ITGA8: variants seen among roughly 807,000 people sequenced by gnomAD.
ITGA8 encodes the protein integrin subunit alpha 8.
ITGA8 carries 91 observed loss-of-function variants against 142.3 expected under a neutral mutation model. The observed-to-expected ratio is 0.64, with a 90% CI of 0.54 to 0.76. The LOEUF (loss-of-function observed/expected upper bound fraction) is 0.76. ITGA8 is among the 30% of genes least tolerant of loss of function. The pLI is 0.00. For synonymous variants in ITGA8, 505 were observed against 485.2 expected, an observed-to-expected ratio of 1.04 and a Z score of -0.54; for missense variants, 1,406 against 1,327.7, an observed-to-expected ratio of 1.06 and a Z score of -0.92.
chr10:15,713,347 C>T (rs1220990112), intron 2 of ITGA8, among the ~76,000 whole-genome samples: 2 of 152,140 alleles, frequency 1.3e-5, no homozygotes, highest in East Asian at 3.9e-4. Context: ...CACACTGCTT[C>T]TTTTTTTCTG....
At chr10:15,605,332 G>C (rs1833174898) in intron 19 of ITGA8, among the ~76,000 whole-genome samples, 1 of 152,122 alleles carries the variant, frequency 6.6e-6, no homozygotes. Flanking sequence ...ACAGTTTTAA[G>C]GATGGCTTTG....
intron 14 of ITGA8, among the ~76,000 whole-genome samples, chr10:15,615,949 C>G (rs985962945): frequency 2.6e-5 from 4 of 152,210 alleles, no homozygotes; most frequent in African/African-American, 9.6e-5. Flanking sequence ...TTTTATCCTT[C>G]TTTTACAGAT....
intron 24 of ITGA8, among the ~76,000 whole-genome samples, chr10:15,574,795 T>TG (rs1379380389): frequency 6.6e-6 from 1 of 151,926 alleles, no homozygotes; most frequent in African/African-American, 2.4e-5. Flanking sequence ...GTTTAAAAGA[T>TG]GAGTGGGTAA....
chr10:15,572,622 A>G (rs965734655), intron 24 of ITGA8, among the ~76,000 whole-genome samples: 1 of 152,218 alleles, frequency 6.6e-6, no homozygotes, highest in Non-Finnish European at 1.5e-5. Flanking sequence ...TGAAGACCAT[A>G]CTACCCTTGT....
At chr10:15,601,108 G>A (rs1348988697) in intron 20 of ITGA8, among the ~76,000 whole-genome samples, 2 of 151,976 alleles carry the variant, frequency 1.3e-5, no homozygotes, top group African/African-American at 2.4e-5. Flanking sequence ...GCGTGGTGGT[G>A]GGCGCCTGTA....
chr10:15,529,877 C>G lies in ITGA8; in HGVS notation c.2982+1173G>C, dbSNP rs1405009450. On this transcript the variant is annotated intron_variant, in intron 28 of 29. Coordinates refer to ENST00000378076, the MANE Select transcript of ITGA8 (RefSeq NM_003638.3). ...TTTTGATAAAATGCAGAGCCTGGCT[C>G]AGCAGATCTGGAGAGGTCTGTTTCT... is the stretch of plus-strand genomic sequence containing the variant. 2.0e-5 allele frequency among the ~76,000 whole-genome samples: 3 copies of G among 152,318 alleles called. No individual in the cohort carries two copies. In the South Asian group the frequency reaches 6.2e-4, roughly 32 times the overall value.
intron 28 of ITGA8, among the ~76,000 whole-genome samples, chr10:15,526,051 A>G (rs1833168251): frequency 6.6e-6 from 1 of 152,252 alleles, no homozygotes; most frequent in Non-Finnish European, 1.5e-5. Flanking sequence ...AAAATGAAAT[A>G]AAACCACAAG....
Position 15,631,232 on chromosome 10 carries a change from T to A in ITGA8, c.1399+12798A>T, listed in dbSNP as rs1295612494. On this transcript the variant is annotated intron_variant, in intron 13 of 29. Transcript: ENST00000378076. ...TTTTACTGGGTACATACCCAAAGGA[T>A]TATAAATCATTCTACTATAAAGACA... is the stretch of plus-strand genomic sequence containing the variant. 1.3e-5 allele frequency among the ~76,000 whole-genome samples: 2 copies of A among 151,922 alleles called. 1 individual carries two copies. The highest frequency in any genetic ancestry group is 4.9e-5 in the African/African-American group (2 of 41,224).
chr10:15,526,859 A>G (rs376540320), intron 28 of ITGA8, among the ~76,000 whole-genome samples: 1 of 152,312 alleles, frequency 6.6e-6, no homozygotes, highest in East Asian at 1.9e-4. Flanking sequence ...TCATCATGTC[A>G]TAAATCTTGT....
rs189407839 is a variant in ITGA8 at position 15,608,130 on chromosome 10, T to C, written c.1609+105A>G. Reference sequence around the variant, plus strand: ...TCCATATATGCAACAGATATCTTGGTATTCCTCAAGGGTTCTTTCATTTTT... The same window carrying C: ...TCCATATATGCAACAGATATCTTGGCATTCCTCAAGGGTTCTTTCATTTTT... On this transcript the variant is annotated intron_variant, in intron 16 of 29. Coordinates refer to ENST00000378076, the MANE Select transcript of ITGA8 (RefSeq NM_003638.3). 95 of 797,456 alleles carry C rather than the reference T, an allele frequency of 1.2e-4. No homozygotes were observed. In the African/African-American group the frequency reaches 1.4e-3, roughly 12 times the overall value. 49.4% of individuals were successfully genotyped at this position (797,456 alleles called of 1,614,324 possible).
chr10:15,653,067 T>A (rs1834117883), intron 11 of ITGA8, among the ~76,000 whole-genome samples: 1 of 152,232 alleles, frequency 6.6e-6, no homozygotes, highest in Non-Finnish European at 1.5e-5. Flanking sequence ...ACCTTCATGA[T>A]GCAGCTCCCC....
chr10:15,623,830 A>G (rs1403534924), intron 13 of ITGA8, among the ~76,000 whole-genome samples: 2 of 152,214 alleles, frequency 1.3e-5, no homozygotes, highest in Non-Finnish European at 2.9e-5. Flanking sequence ...GAACAGTCCC[A>G]TCATGCCCAA....
chr10:15,553,004 C>T (rs1001990043), intron 26 of ITGA8, among the ~76,000 whole-genome samples: 2 of 152,104 alleles, frequency 1.3e-5, no homozygotes, highest in Non-Finnish European at 2.9e-5. Flanking sequence ...CACCTATAAC[C>T]CCAGCACTTT....
At chr10:15,540,912 G>A (rs573937676) in intron 27 of ITGA8, among the ~76,000 whole-genome samples, 2 of 152,188 alleles carry the variant, frequency 1.3e-5, no homozygotes, top group African/African-American at 2.4e-5. Context: ...CACCATGACA[G>A]TTTACAAATG....
chr10:15,697,521 C>A (rs1835079492), intron 2 of ITGA8, among the ~76,000 whole-genome samples: 1 of 152,150 alleles, frequency 6.6e-6, no homozygotes, highest in South Asian at 2.1e-4. Flanking sequence ...GGGCTGTGGT[C>A]TACAGTGCTT....
intron 13 of ITGA8, among the ~76,000 whole-genome samples, chr10:15,635,927 A>G (rs1027261991): frequency 1.3e-5 from 2 of 150,882 alleles, no homozygotes; most frequent in African/African-American, 4.9e-5. Context: ...CTACACACAC[A>G]CACACACACA....
At chr10:15,536,874 A>G (rs181252479) in intron 27 of ITGA8, among the ~76,000 whole-genome samples, 5 of 152,358 alleles carry the variant, frequency 3.3e-5, no homozygotes, top group African/African-American at 1.2e-4. Context: ...AGGCAATGAC[A>G]CAAGCTCTCC....
At chr10:15,553,175 T>C (rs925385541) in intron 26 of ITGA8, among the ~76,000 whole-genome samples, 2 of 152,066 alleles carry the variant, frequency 1.3e-5, no homozygotes, top group Admixed American at 6.5e-5. Context: ...GAGGATCACT[T>C]GAATCCGGGA....
At chr10:15,560,431 C>T (rs1833954821) in intron 25 of ITGA8, among the ~76,000 whole-genome samples, 1 of 152,210 alleles carries the variant, frequency 6.6e-6, no homozygotes, top group Non-Finnish European at 1.5e-5. Context: ...TTAAATCCTT[C>T]TGTTGTTCTT....
Sources: allele counts gnomAD v4.1 joint callset (sites outside exome capture counted in the v4.1 genomes callset), GRCh38; gene constraint gnomAD v4.1.1; transcripts MANE v1.5; gene names NCBI Gene and HGNC (gene_info 2026-07-23, HGNC 2026-07-21).